The following PDE1A variants were observed in gnomAD, a reference collection of about 807,000 sequenced individuals.
The protein encoded by PDE1A is phosphodiesterase 1A.
In PDE1A, 35 loss-of-function variants were observed where a neutral mutation model predicts 61.7. That is an observed-to-expected ratio of 0.57 (90% CI 0.43 to 0.75). The LOEUF (loss-of-function observed/expected upper bound fraction) is 0.75, where lower values mean the gene tolerates loss of function less well. Ranked by LOEUF, PDE1A falls within the 30% of genes least tolerant of loss-of-function variation. PDE1A has a pLI of 0.00. For synonymous variants in PDE1A, 232 were observed against 213.2 expected (o/e 1.09, Z -0.77); for missense variants, 597 against 630.6 (o/e 0.95, Z 0.57).
At chr2:182,152,412 CTTTTTTTTTTT>C (rs559392112) in intron 13 of PDE1A, among the ~76,000 whole-genome samples, 1,007 of 75,372 alleles carry the variant, frequency 0.013, 17 homozygotes, top group African/African-American at 0.046. Context: ...TTTTTTTCCT[CTTTTTTTTTTT>C]TTTTTTTTTT....
At chr2:182,372,038 C>T (rs181911859) in intron 1 of PDE1A, among the ~76,000 whole-genome samples, 3 of 152,342 alleles carry the variant, frequency 2.0e-5, no homozygotes, top group Non-Finnish European at 4.4e-5. Context: ...TCAAGCAATG[C>T]GTCCACCTCA....
downstream of PDE1A, among the ~76,000 whole-genome samples, chr2:182,167,212 C>G (rs1012429018): frequency 6.6e-6 from 1 of 152,074 alleles, no homozygotes; most frequent in African/African-American, 2.4e-5. Context: ...GGTAAACTCC[C>G]TAACAATAGG....
chr2:182,362,493 G>A (rs929624432), intron 1 of PDE1A, among the ~76,000 whole-genome samples: 1 of 152,018 alleles, frequency 6.6e-6, no homozygotes, highest in Non-Finnish European at 1.5e-5. Context: ...AGGGCTGAGA[G>A]GGTTCCCAGG....
intron 1 of PDE1A, among the ~76,000 whole-genome samples, chr2:182,331,842 CA>C (rs1446461225): frequency 6.6e-6 from 1 of 152,112 alleles, no homozygotes; most frequent in Admixed American, 6.5e-5. Flanking sequence ...TTGCTCTTCT[CA>C]AGTAGTATGT....
intron 2 of PDE1A, among the ~76,000 whole-genome samples, chr2:182,504,621 C>T (rs1056385407): frequency 2.6e-5 from 4 of 152,230 alleles, no homozygotes; most frequent in African/African-American, 4.8e-5. Flanking sequence ...TTTTGGAACA[C>T]TCTCAGTTAT....
chr2:182,489,853 C>A (rs1688267662), intron 2 of PDE1A, among the ~76,000 whole-genome samples: 2 of 152,132 alleles, frequency 1.3e-5, no homozygotes, highest in Admixed American at 1.3e-4. Flanking sequence ...ATAAATGTGG[C>A]ACTAATCGGT....
chr2:182,610,345 T>G, the PDE1A span, among the ~76,000 whole-genome samples: 1 of 152,214 alleles, frequency 6.6e-6, no homozygotes, highest in Non-Finnish European at 1.5e-5. Flanking sequence ...CCAGTTAATC[T>G]GCCTTTTGTG....
At chr2:182,373,858 T>C (rs1296840274) in intron 1 of PDE1A, among the ~76,000 whole-genome samples, 1 of 152,160 alleles carries the variant, frequency 6.6e-6, no homozygotes, top group East Asian at 1.9e-4. Context: ...ATGTTATTAA[T>C]ATCACAGGAA....
chr2:182,545,460 ATTCC>A, the PDE1A span, among the ~76,000 whole-genome samples: 20 of 152,148 alleles, frequency 1.3e-4, no homozygotes, highest in African/African-American at 4.3e-4. Flanking sequence ...TCTCTAATAA[ATTCC>A]TTCCATTTGA....
rs116453492 is a variant in PDE1A, at chr2:182,486,794, T to C, written c.101+35482A>G. On this transcript the variant is annotated intron_variant, in intron 2 of 14. Transcript: ENST00000410103. ...ACAAAGATTAACTCAAATAGGATTA[T>C]AGACCTAGATGTAAGAGCTAATATT... 3.3e-3 allele frequency among the ~76,000 whole-genome samples: 497 copies of C among 152,242 alleles called. 5 individuals carry two copies. Among genetic ancestry groups the C allele is most frequent in the African/African-American group, 0.011 (462 of 41,586 alleles).
intron 7 of PDE1A, among the ~76,000 whole-genome samples, chr2:182,212,742 C>G (rs1042261552): frequency 1.3e-5 from 2 of 152,230 alleles, no homozygotes; most frequent in African/African-American, 4.8e-5. Flanking sequence ...GAGATTATAT[C>G]CCGCACCTGG....
the PDE1A span, among the ~76,000 whole-genome samples, chr2:182,569,830 T>C: frequency 6.6e-6 from 1 of 152,250 alleles, no homozygotes; most frequent in African/African-American, 2.4e-5. Context: ...TTTTCCTTTC[T>C]TAAAAACCTT....
chr2:182,279,267 C>G (rs1038501402), intron 1 of PDE1A, among the ~76,000 whole-genome samples: 1 of 151,820 alleles, frequency 6.6e-6, no homozygotes, highest in South Asian at 2.1e-4. Context: ...AATTCTTAGA[C>G]GAGCACAACC....
intron 1 of PDE1A, among the ~76,000 whole-genome samples, chr2:182,269,999 T>A (rs1192715052): frequency 1.3e-5 from 2 of 152,044 alleles, no homozygotes; most frequent in Non-Finnish European, 2.9e-5. Context: ...ATCAAAGACA[T>A]GAAAAAAATC....
chr2:182,238,266 C>CAAAAAAA (rs3063250), intron 3 of PDE1A, among the ~76,000 whole-genome samples: 26 of 98,050 alleles, frequency 2.7e-4, no homozygotes, highest in African/African-American at 1.0e-3. Context: ...CAGACTACGT[C>CAAAAAAA]AAAAAAAAAA....
chr2:182,464,123 T>C (rs768967563), intron 2 of PDE1A, among the ~76,000 whole-genome samples: 15 of 152,146 alleles, frequency 9.9e-5, no homozygotes, highest in Non-Finnish European at 1.6e-4. Flanking sequence ...GCCAAGAATC[T>C]AGAACTCCCA....
intron 2 of PDE1A, among the ~76,000 whole-genome samples, chr2:182,497,493 G>A (rs931662318): frequency 6.6e-6 from 1 of 152,138 alleles, no homozygotes; most frequent in Non-Finnish European, 1.5e-5. Context: ...TGTCGCTTTG[G>A]GAAACAAGGT....
chr2:182,601,290 G>C, the PDE1A span, among the ~76,000 whole-genome samples: 1 of 152,224 alleles, frequency 6.6e-6, no homozygotes, highest in African/African-American at 2.4e-5. Context: ...ACAGGTGCCA[G>C]CTCTCTGCAA....
At chr2:182,424,480 G>C (rs930187631) in intron 1 of PDE1A, among the ~76,000 whole-genome samples, 3 of 152,122 alleles carry the variant, frequency 2.0e-5, no homozygotes, top group Admixed American at 2.0e-4. Flanking sequence ...TGAAAAGTCA[G>C]GCTTGAGAAA....
Sources: allele counts gnomAD v4.1 joint callset (sites outside exome capture counted in the v4.1 genomes callset), GRCh38; gene constraint gnomAD v4.1.1; transcripts MANE v1.5; gene names NCBI Gene and HGNC (gene_info 2026-07-23, HGNC 2026-07-21).